Variants in RAB6A observed in about 807,000 individuals in gnomAD.
The protein encoded by RAB6A is RAB6A, member RAS oncogene family, also known as ras-related protein Rab-6A.
In RAB6A, 8 loss-of-function variants were observed where a neutral mutation model predicts 32.3. The observed-to-expected ratio is 0.25, with a 90% CI of 0.15 to 0.45. The LOEUF (loss-of-function observed/expected upper bound fraction) is 0.45. RAB6A is among the 20% of genes least tolerant of loss of function. RAB6A has a pLI of 1.00. For missense variants in RAB6A, 104 were observed against 249.4 expected (o/e 0.42, Z 3.93); for synonymous variants, 73 against 82.1 (o/e 0.89, Z 0.60).
chr11:73,697,448 A>C (rs1945672319), intron 6 of RAB6A, among the ~76,000 whole-genome samples: 1 of 151,998 alleles, frequency 6.6e-6, no homozygotes, highest in Non-Finnish European at 1.5e-5. Flanking sequence ...CCCAGGTTCA[A>C]GTGATTCTTG....
intron 6 of RAB6A, among the ~76,000 whole-genome samples, chr11:73,705,765 G>A (rs925286687): frequency 3.2e-5 from 2 of 62,270 alleles, no homozygotes; most frequent in South Asian, 8.9e-4. Flanking sequence ...ATATAATTCC[G>A]ATGAGAGAGA....
intron 6 of RAB6A, among the ~76,000 whole-genome samples, chr11:73,684,317 G>A (rs540718610): frequency 1.3e-5 from 2 of 151,816 alleles, no homozygotes; most frequent in Admixed American, 6.6e-5. Flanking sequence ...TACAGGCATC[G>A]GCCACCACAT....
chr11:73,694,999 C>T (rs148582214), intron 6 of RAB6A, among the ~76,000 whole-genome samples: 1,571 of 151,964 alleles, frequency 0.01, 26 homozygotes, highest in African/African-American at 0.036. Flanking sequence ...CTGGGCAACA[C>T]GCAAGACTGT....
At chr11:73,681,449 A>AT (rs1345406614) in intron 6 of RAB6A, among the ~76,000 whole-genome samples, 2 of 152,242 alleles carry the variant, frequency 1.3e-5, no homozygotes, top group East Asian at 3.8e-4. Context: ...GTATTACTGA[A>AT]TTAAACGAAG....
At chr11:73,718,497 T>C (rs1395951217) in intron 4 of RAB6A, 116 bp downstream of exon 4, 2 of 842,636 alleles carry the variant, frequency 2.4e-6, no homozygotes, top group East Asian at 5.3e-5. Flanking sequence ...TGTAATTTAC[T>C]ATGATAAAAC....
At chr11:73,701,650 C>T (rs1218707979) in intron 6 of RAB6A, among the ~76,000 whole-genome samples, 1 of 151,764 alleles carries the variant, frequency 6.6e-6, no homozygotes, top group Non-Finnish European at 1.5e-5. Flanking sequence ...TTTTTTCTTT[C>T]GTGTTTTTTG....
intron 6 of RAB6A, among the ~76,000 whole-genome samples, chr11:73,698,883 GCT>G (rs1945697714): frequency 9.4e-6 from 1 of 106,030 alleles, no homozygotes; most frequent in Admixed American, 1.4e-4. Context: ...ATGGAGTCTT[GCT>G]CTGTCGCCCA....
At chr11:73,682,797 G>C (rs1945381177) in intron 6 of RAB6A, among the ~76,000 whole-genome samples, 1 of 152,120 alleles carries the variant, frequency 6.6e-6, no homozygotes, top group African/African-American at 2.4e-5. Context: ...CCAAAGTGTT[G>C]GGATTACAGA....
At chr11:73,735,201 C>T (rs1946375919) in intron 1 of RAB6A, among the ~76,000 whole-genome samples, 1 of 152,196 alleles carries the variant, frequency 6.6e-6, no homozygotes, top group Non-Finnish European at 1.5e-5. Context: ...CAACAATGAT[C>T]TCAGTAGGAT....
intron 5 of RAB6A, among the ~76,000 whole-genome samples, chr11:73,708,049 C>A (rs1945877930): frequency 6.6e-6 from 1 of 152,176 alleles, no homozygotes; most frequent in Non-Finnish European, 1.5e-5. Context: ...ATTTATATAA[C>A]CATTCCCAAA....
chr11:73,686,581 T>G (rs1436038596), intron 6 of RAB6A, among the ~76,000 whole-genome samples: 1 of 152,050 alleles, frequency 6.6e-6, no homozygotes, highest in Non-Finnish European at 1.5e-5. Flanking sequence ...AAAACCAGGT[T>G]TATTATCAGC....
chr11:73,740,313 C>T (rs1946475403), intron 1 of RAB6A, among the ~76,000 whole-genome samples: 1 of 152,140 alleles, frequency 6.6e-6, no homozygotes, highest in African/African-American at 2.4e-5. Flanking sequence ...ACTATCTAGT[C>T]ATTGTTCCAT....
intron 6 of RAB6A, among the ~76,000 whole-genome samples, chr11:73,687,610 C>G (rs1945479518): frequency 2.6e-5 from 4 of 152,220 alleles, no homozygotes; most frequent in Admixed American, 2.6e-4. Flanking sequence ...AATCCCAGCA[C>G]TTTGGGAGGC....
At chr11:73,752,024 C>T (rs886142922) in intron 1 of RAB6A, among the ~76,000 whole-genome samples, 8 of 152,070 alleles carry the variant, frequency 5.3e-5, no homozygotes, top group Non-Finnish European at 1.2e-4. Flanking sequence ...TTGAGGACCA[C>T]ATCAAACAGG....
chr11:73,743,222 T>C (rs1055314691), intron 1 of RAB6A, among the ~76,000 whole-genome samples: 1 of 150,842 alleles, frequency 6.6e-6, no homozygotes, highest in Non-Finnish European at 1.5e-5. Context: ...GGAGAACTAC[T>C]TGAACCTGGG....
At chr11:73,682,256 G>A (rs1945370435) in intron 6 of RAB6A, among the ~76,000 whole-genome samples, 1 of 152,140 alleles carries the variant, frequency 6.6e-6, no homozygotes, top group African/African-American at 2.4e-5. Flanking sequence ...GAGCCCAGAA[G>A]TTTGAGACCA....
At chr11:73,701,272 C>A (rs550894400) in intron 6 of RAB6A, among the ~76,000 whole-genome samples, 16 of 152,084 alleles carry the variant, frequency 1.1e-4, no homozygotes, top group African/African-American at 3.6e-4. Context: ...AAAATGAGTA[C>A]AATCAAAAAT....
intron 6 of RAB6A, among the ~76,000 whole-genome samples, chr11:73,694,380 T>C (rs1945625111): frequency 6.6e-6 from 1 of 152,200 alleles, no homozygotes; most frequent in Non-Finnish European, 1.5e-5. Context: ...ACCAAATAAA[T>C]GGCAGAGCTG....
intron 6 of RAB6A, among the ~76,000 whole-genome samples, chr11:73,707,153 T>C (rs1444466230): frequency 6.9e-6 from 1 of 144,126 alleles, no homozygotes; most frequent in Admixed American, 6.9e-5. Context: ...GAAAAGAAAA[T>C]TTACCTTTAA....
Sources: allele counts gnomAD v4.1 joint callset (sites outside exome capture counted in the v4.1 genomes callset), GRCh38; gene constraint gnomAD v4.1.1; transcripts MANE v1.5; gene names NCBI Gene and HGNC (gene_info 2026-07-23, HGNC 2026-07-21).